CYP46A1: variants seen among roughly 807,000 people sequenced by gnomAD.
CYP46A1 encodes cholesterol 24-hydroxylase.
In CYP46A1, 20 loss-of-function variants were observed where a neutral mutation model predicts 63.3. That is an observed-to-expected ratio of 0.32 (90% confidence interval 0.22 to 0.46). The LOEUF is 0.46. Among genes scored for constraint, CYP46A1 ranks in the 20% least tolerant of loss-of-function variants. CYP46A1 has a pLI of 1.00. For synonymous variants in CYP46A1, 268 were observed against 273.6 expected (o/e 0.98, Z 0.20); for missense variants, 445 against 670.8 (o/e 0.66, Z 3.72).
intron 5 of CYP46A1, among the ~76,000 whole-genome samples, chr14:99,705,694 A>G (rs1292245445): frequency 1.3e-5 from 2 of 152,232 alleles, no homozygotes; most frequent in Non-Finnish European, 2.9e-5. Flanking sequence ...TGGGAGGCCA[A>G]GGTGGGTGGA....
At chr14:99,696,753 C>T (rs1253297692) in intron 3 of CYP46A1, among the ~76,000 whole-genome samples, 2 of 152,178 alleles carry the variant, frequency 1.3e-5, no homozygotes, top group African/African-American at 4.8e-5. Flanking sequence ...GTCATAATAT[C>T]CTGCTTTGTG....
chr14:99,703,827 C>T (rs1295046730), intron 5 of CYP46A1: 64 of 984,958 alleles, frequency 6.5e-5, no homozygotes, highest in East Asian at 1.1e-4. Context: ...TGAATGAATG[C>T]GTAAGTGAAT....
Position 99,716,272 on chromosome 14 carries a change from C to A in CYP46A1, c.907+73C>A, listed in dbSNP as rs1255211047. The A allele has an allele frequency of 3.2e-6, 5 of 1,542,078 alleles. No individual in the cohort carries two copies. The Admixed American group carries it at 5.0e-5, about 16-fold the overall frequency. On this transcript the variant is annotated intron_variant, in intron 9 of 14. Transcript: ENST00000261835. ...CTGTGGACCATGGATCCCTCAAACC[C>A]AACTCTTTGGGATTTTTTGGGCTAT...
At chr14:99,724,778 T>TGACCCCCAGCACA (rs2056880224) in intron 12 of CYP46A1, among the ~76,000 whole-genome samples, 1 of 152,220 alleles carries the variant, frequency 6.6e-6, no homozygotes, top group South Asian at 2.1e-4. Flanking sequence ...TCTGCTGCAC[T>TGACCCCCAGCACA]GACCCCCAGC....
At chr14:99,707,875 T>G in intron 7 of CYP46A1, 197 bp downstream of exon 7, 1 of 573,860 alleles carries the variant, frequency 1.7e-6, no homozygotes, top group East Asian at 2.9e-5. Flanking sequence ...TTAAAGTAAA[T>G]TAGGAGTTAA....
chr14:99,726,818 C>A lies in CYP46A1; in HGVS notation c.*91C>A. 9.1e-7 allele frequency: 1 copy of A among 1,104,930 alleles called. No individual in the cohort carries two copies. The highest frequency in any genetic ancestry group is 1.2e-6 in the Non-Finnish European group (1 of 815,432). The allele number at this position is 1,104,930 out of a possible 1,614,324, so 68.4% of individuals were successfully genotyped here. ...GGCCACCCACCCTTCTCCCCTGCCC[C>A]GTCCCCTGGGCCACCCTTCACGCTG... On this transcript the variant is annotated 3_prime_UTR_variant, in exon 15 of 15. Transcript: ENST00000261835.
chr14:99,716,009 G>C (rs780301076), intron 8 of CYP46A1, 49 bp downstream of exon 8: 1 of 1,599,538 alleles, frequency 6.3e-7, no homozygotes, highest in Non-Finnish European at 8.5e-7. Context: ...GGGCCAGGAC[G>C]TTCCCCAGGT....
chr14:99,707,922 A>G (rs1020091384), intron 7 of CYP46A1: 4 of 481,036 alleles, frequency 8.3e-6, no homozygotes, highest in African/African-American at 2.0e-5. Context: ...AAAGCAGGCA[A>G]TGTAGGATGA....
At chr14:99,708,069 G>A (rs988305934) in intron 7 of CYP46A1, 7 of 265,064 alleles carry the variant, frequency 2.6e-5, no homozygotes, top group Non-Finnish European at 5.1e-5. Flanking sequence ...GCCCACATGG[G>A]GCCTGGGAAC....
rs55891116 is a variant in CYP46A1 at position 99,719,761 on chromosome 14, CTTTTTTTT to C, written c.981-1467_981-1460del. ...GAACTCCCTTCCTTTTTTTTCTTTT[CTTTTTTTT>C]TTTTTTTTTTAAGACAGAGTCTCAC... On this transcript the variant is annotated intron_variant, in intron 10 of 14. Transcript: ENST00000261835. 3.4e-5 allele frequency among the ~76,000 whole-genome samples: 4 copies of C among 118,046 alleles called. No individual in the cohort carries two copies. In the South Asian group the frequency reaches 8.9e-4, roughly 26 times the overall value. The allele number at this position is 118,046 out of a possible 152,430, so 77.4% of individuals were successfully genotyped here.
In CYP46A1 at chr14:99,725,376, A is replaced by G. The variant is rs1343185146; in HGVS notation, c.1177-15A>G. The G allele has an allele frequency of 1.2e-6, 2 of 1,610,440 alleles. No individual in the cohort carries two copies. The highest frequency in any genetic ancestry group is 2.2e-5 in the South Asian group (2 of 90,978). On this transcript the variant is annotated splice_polypyrimidine_tract_variant and intron_variant, in intron 12 of 14. Transcript: ENST00000261835. The surrounding 1 kb of genome is among the most constrained non-coding windows in gnomAD (Gnocchi z 4.2). Reference sequence around the variant, plus strand: ...CAACCTGGGAACCAGAGATGAGCGGACCCTTTGCCCGCAGTTCAGCACCTA... The same window carrying G: ...CAACCTGGGAACCAGAGATGAGCGGGCCCTTTGCCCGCAGTTCAGCACCTA...
Position 99,722,072 on chromosome 14 carries a change from T to C in CYP46A1, c.1176+6T>C. On this transcript the variant is annotated splice_donor_region_variant and intron_variant, in intron 12 of 14. Transcript: ENST00000261835. This position sits in a 1 kb window ranked among gnomAD's most constrained non-coding sequence, Gnocchi z 4.6. ...CCGGCAACACCCCGCTCTTGGTGGG[T>C]GGAGGCCCTGGGGGTCCTGGGGTGG... is the stretch of plus-strand genomic sequence containing the variant. 1 of 1,607,708 alleles carries C rather than the reference T, an allele frequency of 6.2e-7. No individual in the cohort carries two copies.
intron 7 of CYP46A1, chr14:99,708,062 C>T (rs2056695281): frequency 3.7e-6 from 1 of 271,906 alleles, no homozygotes; most frequent in African/African-American, 2.3e-5. Context: ...TGCCCGTGCC[C>T]ACATGGGGCC....
chr14:99,720,490 C>T (rs1412745895), intron 10 of CYP46A1, among the ~76,000 whole-genome samples: 2 of 132,222 alleles, frequency 1.5e-5, no homozygotes, highest in Non-Finnish European at 1.5e-5. Context: ...GACGGAGTCT[C>T]GCTCTGTTGC....
chr14:99,703,400 A>C (rs919138847), intron 5 of CYP46A1, among the ~76,000 whole-genome samples: 1 of 152,116 alleles, frequency 6.6e-6, no homozygotes, highest in African/African-American at 2.4e-5. Context: ...TAAAGCTCAG[A>C]TCTGACCATG....
intron 7 of CYP46A1, chr14:99,712,111 G>T (rs746143842): frequency 4.6e-5 from 7 of 152,058 alleles, no homozygotes; most frequent in African/African-American, 7.2e-5. Flanking sequence ...AACTCTCAAC[G>T]AATTATGAAT....
chr14:99,727,254 C>G lies in CYP46A1; in HGVS notation c.*527C>G, dbSNP rs948558060. ...TTGTCTCTGAGCCCCCTGTGCCCACCCAGGGCCCGGCACAGAGTCGATGCT... is the reference window on the plus strand; with the variant it reads ...TTGTCTCTGAGCCCCCTGTGCCCACGCAGGGCCCGGCACAGAGTCGATGCT... On this transcript the variant is annotated 3_prime_UTR_variant, in exon 15 of 15. Coordinates refer to ENST00000261835, the MANE Select transcript of CYP46A1 (RefSeq NM_006668.2). 1 of 153,984 alleles carries G rather than the reference C, an allele frequency of 6.5e-6. No individual in the cohort carries two copies. Among genetic ancestry groups the G allele is most frequent in the Non-Finnish European group, 1.4e-5 (1 of 69,004 alleles). The allele number at this position is 153,984 out of a possible 1,614,324, so 9.5% of individuals were successfully genotyped here.
At chr14:99,691,934 A>G (rs1451476602) in intron 3 of CYP46A1, 73 bp downstream of exon 3, 7 of 1,473,230 alleles carry the variant, frequency 4.8e-6, no homozygotes, top group South Asian at 4.6e-5. Context: ...GCCTGGTCCC[A>G]GAGACTTTGG....
chr14:99,712,098 A>T (rs1471675283), intron 7 of CYP46A1: 1 of 152,210 alleles, frequency 6.6e-6, no homozygotes, highest in Non-Finnish European at 1.5e-5. Context: ...CTTCATGATT[A>T]AAAACTCTCA....
Sources: allele counts gnomAD v4.1 joint callset (sites outside exome capture counted in the v4.1 genomes callset), GRCh38; gene constraint gnomAD v4.1.1; non-coding constraint Gnocchi (gnomAD v3.1); transcripts MANE v1.5; gene names NCBI Gene and HGNC (gene_info 2026-07-23, HGNC 2026-07-21).